Variants in SNTG1 observed in about 807,000 individuals in gnomAD.
SNTG1 encodes the protein gamma-1-syntrophin.
In SNTG1, 39 loss-of-function variants were observed where a neutral mutation model predicts 74.7. That is an observed-to-expected ratio of 0.52 (90% confidence interval 0.40 to 0.68). The LOEUF (loss-of-function observed/expected upper bound fraction) is 0.68. Among genes scored for constraint, SNTG1 ranks in the 30% least tolerant of loss-of-function variants. The probability of loss-of-function intolerance (pLI) is 0.00; values close to 1 mark genes in which losing one functional copy is unlikely to be tolerated. For synonymous variants in SNTG1, 254 were observed against 217.1 expected (o/e 1.17, Z -1.49); for missense variants, 685 against 609.5 (o/e 1.12, Z -1.30).
At chr8:50,289,575 A>C (rs1415882776) in intron 2 of SNTG1, among the ~76,000 whole-genome samples, 1 of 152,204 alleles carries the variant, frequency 6.6e-6, no homozygotes, top group Non-Finnish European at 1.5e-5. Flanking sequence ...TACTTAAAGA[A>C]ATATTACAGA....
intron 12 of SNTG1, among the ~76,000 whole-genome samples, chr8:50,583,592 A>G (rs1046720293): frequency 2.0e-5 from 3 of 152,046 alleles, no homozygotes; most frequent in African/African-American, 7.2e-5. Flanking sequence ...ATGGAAGGAA[A>G]TAGGTCAAAT....
In SNTG1 at chr8:50,386,466, T is replaced by C. The variant is rs1299915844; in HGVS notation, c.-27-7746T>C. On this transcript the variant is annotated intron_variant, in intron 2 of 18. Coordinates refer to ENST00000642720, the MANE Select transcript of SNTG1 (RefSeq NM_018967.5). ...GGGAGCAAGATTAACAACATACACC[T>C]GTGGTAGGGTATCAGCGTCCTTCTT... Among the ~76,000 whole-genome samples the C allele has an allele frequency of 2.0e-5, 3 of 151,790 alleles. No homozygotes were observed. In the East Asian group the frequency reaches 5.8e-4, roughly 29 times the overall value.
chr8:50,606,090 T>TTTG (rs2094810294), intron 13 of SNTG1, among the ~76,000 whole-genome samples: 1 of 152,156 alleles, frequency 6.6e-6, no homozygotes, highest in Non-Finnish European at 1.5e-5. Context: ...TTTTCTTTTC[T>TTTG]TTGTTGTTGT....
At chr8:50,008,951 T>G (rs117464097) in intron 1 of SNTG1, among the ~76,000 whole-genome samples, 2,537 of 152,322 alleles carry the variant, frequency 0.017, 40 homozygotes, top group Non-Finnish European at 0.028. Context: ...TGAGTAATTT[T>G]CAAGTAATTT....
chr8:50,411,095 C>T (rs188448885), intron 4 of SNTG1, among the ~76,000 whole-genome samples: 43 of 152,158 alleles, frequency 2.8e-4, no homozygotes, highest in African/African-American at 9.9e-4. Flanking sequence ...TTTATGTTTG[C>T]GCTTCTCCTT....
At chr8:50,415,612 C>T (rs2093004419) in intron 4 of SNTG1, among the ~76,000 whole-genome samples, 1 of 151,980 alleles carries the variant, frequency 6.6e-6, no homozygotes, top group East Asian at 1.9e-4. Flanking sequence ...ATATATTTTT[C>T]TCCTCTCCAA....
chr8:50,490,144 A>G (rs1024603704), intron 8 of SNTG1, among the ~76,000 whole-genome samples: 1 of 152,130 alleles, frequency 6.6e-6, no homozygotes, highest in Non-Finnish European at 1.5e-5. Flanking sequence ...CTGTTTTGGT[A>G]CTACTACTAT....
At chr8:50,580,546 A>C (rs887445342) in intron 12 of SNTG1, among the ~76,000 whole-genome samples, 2 of 152,104 alleles carry the variant, frequency 1.3e-5, no homozygotes, top group African/African-American at 4.8e-5. Context: ...CATGGGAGGA[A>C]CCCAGTGGGA....
At chr8:50,632,511 T>C (rs1359979316) in intron 13 of SNTG1, among the ~76,000 whole-genome samples, 1 of 151,900 alleles carries the variant, frequency 6.6e-6, no homozygotes, top group African/African-American at 2.4e-5. Flanking sequence ...GGTTTTGCCA[T>C]GTTGGCCAGG....
intron 2 of SNTG1, among the ~76,000 whole-genome samples, chr8:50,368,210 G>T (rs1423552354): frequency 6.6e-6 from 1 of 152,100 alleles, no homozygotes. Context: ...AGGAAAAATG[G>T]TTCTTGTTAT....
chr8:50,183,301 C>T (rs998261534), intron 2 of SNTG1, among the ~76,000 whole-genome samples: 1 of 152,106 alleles, frequency 6.6e-6, no homozygotes, highest in Non-Finnish European at 1.5e-5. Context: ...AATTCCACAC[C>T]CTGGCTTTCA....
intron 8 of SNTG1, among the ~76,000 whole-genome samples, chr8:50,499,352 G>T (rs921819341): frequency 6.7e-6 from 1 of 150,078 alleles, no homozygotes; most frequent in African/African-American, 2.4e-5. Flanking sequence ...ATAAAGAAAT[G>T]TGATTATTTT....
chr8:50,434,849 A>C (rs115892031), intron 4 of SNTG1, among the ~76,000 whole-genome samples: 1 of 152,174 alleles, frequency 6.6e-6, no homozygotes, highest in African/African-American at 2.4e-5. Flanking sequence ...ACAAACAATA[A>C]TGTATTGGTT....
chr8:50,254,902 C>T (rs1349316), intron 2 of SNTG1, among the ~76,000 whole-genome samples: 80,268 of 142,266 alleles, frequency 0.56, 26,622 homozygotes, highest in East Asian at 0.84. Context: ...GAGTCTCTTG[C>T]GCAAGACTTC....
At chr8:49,966,137 C>G (rs1168439843) in intron 1 of SNTG1, among the ~76,000 whole-genome samples, 2 of 152,074 alleles carry the variant, frequency 1.3e-5, no homozygotes, top group East Asian at 3.9e-4. Context: ...TTTCTTGTCT[C>G]TATTGGGAAA....
intron 2 of SNTG1, among the ~76,000 whole-genome samples, chr8:50,355,548 C>G (rs956609088): frequency 1.3e-5 from 2 of 152,048 alleles, no homozygotes; most frequent in Non-Finnish European, 2.9e-5. Context: ...ATTGATGAAC[C>G]TTTTCAGGTT....
At chr8:50,248,747 TAGAG>T (rs1393280088) in intron 2 of SNTG1, among the ~76,000 whole-genome samples, 6 of 152,080 alleles carry the variant, frequency 3.9e-5, no homozygotes, top group African/African-American at 1.4e-4. Context: ...ACAAAGTAAT[TAGAG>T]AGATAGAAAT....
chr8:50,469,464 G>GA (rs1042982543), intron 8 of SNTG1, among the ~76,000 whole-genome samples: 71 of 152,072 alleles, frequency 4.7e-4, no homozygotes, highest in African/African-American at 1.5e-3. Flanking sequence ...TCCCAGCATA[G>GA]AAAAAATGAG....
intron 1 of SNTG1, among the ~76,000 whole-genome samples, chr8:50,111,220 C>T (rs1178919101): frequency 6.6e-6 from 1 of 152,072 alleles, no homozygotes; most frequent in African/African-American, 2.4e-5. Context: ...TACTTTCCTG[C>T]TATGGACTAA....
Sources: gnomAD v4.1 joint callset for allele counts (sites outside exome capture counted in the v4.1 genomes callset) on GRCh38, gnomAD v4.1.1 for gene constraint, MANE v1.5 for transcripts, NCBI Gene and HGNC (gene_info 2026-07-23, HGNC 2026-07-21) for gene names.